The following PCDHA1 variants were observed in gnomAD, a reference collection of about 807,000 sequenced individuals.
PCDHA1 encodes protocadherin alpha 1, also known as protocadherin alpha-1.
Under a neutral mutation model 61.3 loss-of-function variants are expected in PCDHA1, and 42 were observed. The observed-to-expected ratio is 0.69, with a 90% CI of 0.54 to 0.89. The LOEUF is 0.89. PCDHA1 is among the 40% of genes least tolerant of loss of function. The pLI is 0.00. For synonymous variants in PCDHA1, 610 were observed against 553.8 expected (o/e 1.10, Z -1.43); for missense variants, 1,256 against 1,235.3 (o/e 1.02, Z -0.25).
chr5:141,001,370 T>G (rs1187805238), intron 3 of PCDHA1, among the ~76,000 whole-genome samples: 1 of 152,218 alleles, frequency 6.6e-6, no homozygotes, highest in African/African-American at 2.4e-5. Context: ...ACTATTCTGA[T>G]TACAGAGCCT....
intron 1 of PCDHA1, chr5:140,857,965 T>C: frequency 6.3e-7 from 1 of 1,597,084 alleles, no homozygotes; most frequent in Non-Finnish European, 8.6e-7. Context: ...TGGATGAGAC[T>C]GACTCGCCAC....
chr5:140,977,518 G>C (rs1328241179), intron 1 of PCDHA1, among the ~76,000 whole-genome samples: 5 of 152,166 alleles, frequency 3.3e-5, no homozygotes, highest in African/African-American at 7.2e-5. Context: ...TTGTGAACTT[G>C]AAAACAAAGG....
At chr5:140,871,305 G>T in intron 1 of PCDHA1, 14 of 1,613,992 alleles carry the variant, frequency 8.7e-6, no homozygotes, top group Non-Finnish European at 1.1e-5. Context: ...GCGCGCCGGG[G>T]AAGCCCACGC....
At chr5:140,851,193 G>GT in intron 1 of PCDHA1, 4 of 1,214,324 alleles carry the variant, frequency 3.3e-6, no homozygotes, top group Non-Finnish European at 4.2e-6. Context: ...CAATTTAGTT[G>GT]TTAGTCATTC....
rs535420158 is a variant in PCDHA1, at chr5:140,966,438, T to TC, written c.2395-12508dup. Reference sequence around the variant, plus strand: ...AGGACTTGCTGAGCCCTCCTACCGCTCCCTTTCCCCCTCCCCCTCTGTCTT... The same window carrying TC: ...AGGACTTGCTGAGCCCTCCTACCGCTCCCCTTTCCCCCTCCCCCTCTGTCTT... On this transcript the variant is annotated intron_variant, in intron 1 of 3. Transcript: ENST00000504120. 1.4e-5 allele frequency: 6 copies of TC among 422,688 alleles called. No homozygotes were observed. The East Asian group carries it at 1.4e-4, about 10-fold the overall frequency. 26.2% of individuals were successfully genotyped at this position (422,688 alleles called of 1,614,324 possible).
At chr5:140,802,620 T>A in intron 1 of PCDHA1, 3 of 1,613,936 alleles carry the variant, frequency 1.9e-6, no homozygotes, top group Non-Finnish European at 2.5e-6. Flanking sequence ...CTGCCACATC[T>A]TCACGGTGTC....
chr5:140,988,184 GGT>G (rs2153871318), intron 3 of PCDHA1, among the ~76,000 whole-genome samples: 1 of 152,246 alleles, frequency 6.6e-6, no homozygotes, highest in East Asian at 1.9e-4. Flanking sequence ...AGTCCTGGGA[GGT>G]GTGTGCATAT....
intron 1 of PCDHA1, among the ~76,000 whole-genome samples, chr5:140,920,911 G>C (rs1290667252): frequency 6.6e-6 from 1 of 150,718 alleles, no homozygotes; most frequent in African/African-American, 2.4e-5. Context: ...TCTCAAATCA[G>C]TTCCAAGAGT....
At chr5:140,859,390 C>A (rs911308831) in intron 1 of PCDHA1, 1 of 268,118 alleles carries the variant, frequency 3.7e-6, no homozygotes, top group Non-Finnish European at 6.7e-6. Context: ...CTCTAGTCAT[C>A]TTAAACAGGG....
At position 140,981,056 on chromosome 5, in the gene PCDHA1, G is replaced by A. The variant is rs571113984; in HGVS notation, c.2454-1419G>A. 1.5e-3 allele frequency among the ~76,000 whole-genome samples: 227 copies of A among 152,276 alleles called. 1 individual carries two copies. Among genetic ancestry groups the A allele is most frequent in the African/African-American group, 5.2e-3 (217 of 41,556 alleles). ...GGGAAAAAAAACAGATAATTCTAGA[G>A]TGTAGACAAGGGGAAGAATAGTAAA... On this transcript the variant is annotated intron_variant, in intron 2 of 3. Transcript: ENST00000504120.
rs2150154033 is a variant in PCDHA1, at chr5:140,828,324, A to C, written c.2394+39640A>C. ...GACCGCGAGGACCTTCTGGAGGTAA[A>C]TCTGCAGAATGGCATTTTGTTTGTG... On this transcript the variant is annotated intron_variant, in intron 1 of 3. Transcript: ENST00000504120. The C allele has an allele frequency of 3.7e-6, 6 of 1,614,194 alleles. No homozygotes were observed. In the South Asian group the frequency reaches 6.6e-5, roughly 18 times the overall value.
chr5:140,843,094 A>G (rs1268827365), intron 1 of PCDHA1: 2 of 1,595,564 alleles, frequency 1.3e-6, no homozygotes, highest in South Asian at 2.2e-5. Flanking sequence ...GCCACGTGGT[A>G]GCGAAGGTGC....
intron 1 of PCDHA1, among the ~76,000 whole-genome samples, chr5:140,833,457 A>G (rs1304968349): frequency 2.0e-5 from 3 of 152,216 alleles, no homozygotes; most frequent in East Asian, 3.8e-4. Context: ...AATAAAATAA[A>G]CTTACATTTT....
At chr5:140,848,041 T>C (rs1245564819) in intron 1 of PCDHA1, 2 of 159,606 alleles carry the variant, frequency 1.3e-5, no homozygotes, top group Admixed American at 5.9e-5. Context: ...CTCAATGGAA[T>C]CATTTTAATT....
At chr5:140,860,913 A>G (rs1423371903) in intron 1 of PCDHA1, 5 of 152,086 alleles carry the variant, frequency 3.3e-5, no homozygotes, top group African/African-American at 9.7e-5. Flanking sequence ...AATTTTTTGT[A>G]TTTTTAGTAG....
intron 1 of PCDHA1, among the ~76,000 whole-genome samples, chr5:140,976,868 CAAAG>C (rs1397427113): frequency 6.6e-5 from 10 of 152,120 alleles, no homozygotes; most frequent in African/African-American, 1.2e-4. Flanking sequence ...TACTGTCTGA[CAAAG>C]AAAGAATTAG....
intron 1 of PCDHA1, among the ~76,000 whole-genome samples, chr5:140,918,233 T>C (rs1554198474): frequency 6.6e-6 from 1 of 152,210 alleles, no homozygotes; most frequent in South Asian, 2.1e-4. Context: ...TTTTTGTACA[T>C]TGATTTTGTA....
At chr5:140,961,561 T>C (rs1554225472) in intron 1 of PCDHA1, among the ~76,000 whole-genome samples, 1 of 152,170 alleles carries the variant, frequency 6.6e-6, no homozygotes, top group African/African-American at 2.4e-5. Flanking sequence ...TTTTTTTAAA[T>C]TTTGTTTTGA....
intron 1 of PCDHA1, chr5:140,821,878 C>T (rs2150111566): frequency 3.1e-6 from 5 of 1,614,108 alleles, no homozygotes; most frequent in Non-Finnish European, 4.2e-6. Context: ...CTACTCGATC[C>T]CGGAGGAAGC....
Sources: gnomAD v4.1 joint callset for allele counts (sites outside exome capture counted in the v4.1 genomes callset) on GRCh38, gnomAD v4.1.1 for gene constraint, MANE v1.5 for transcripts, NCBI Gene and HGNC (gene_info 2026-07-23, HGNC 2026-07-21) for gene names.